The following MAP2 variants were observed in gnomAD, a reference collection of about 807,000 sequenced individuals.
The protein encoded by MAP2 is microtubule associated protein 2.
Under a neutral mutation model 137.6 loss-of-function variants are expected in MAP2, and 14 were observed. The observed-to-expected ratio is 0.10, with a 90% confidence interval of 0.07 to 0.16. The LOEUF (loss-of-function observed/expected upper bound fraction) is 0.16. Among genes scored for constraint, MAP2 ranks in the 10% least tolerant of loss-of-function variants. The pLI, the probability that MAP2 is intolerant of heterozygous loss-of-function variation, is 1.00. For synonymous variants in MAP2, 786 were observed against 782.3 expected (o/e 1.00, Z -0.08); for missense variants, 2,088 against 2,191.5 (o/e 0.95, Z 0.94).
At chr2:209,574,811 G>T (rs2075037931) in intron 2 of MAP2, among the ~76,000 whole-genome samples, 1 of 152,208 alleles carries the variant, frequency 6.6e-6, no homozygotes, top group Non-Finnish European at 1.5e-5. Flanking sequence ...ACAGTGTTCA[G>T]TGATTTTGGA....
chr2:209,686,188 A>G (rs1338861527), intron 7 of MAP2, among the ~76,000 whole-genome samples: 1 of 152,202 alleles, frequency 6.6e-6, no homozygotes, highest in African/African-American at 2.4e-5. Context: ...TTGAACTAAG[A>G]ATATCAAACG....
intron 1 of MAP2, among the ~76,000 whole-genome samples, chr2:209,488,359 G>A (rs911293385): frequency 6.6e-6 from 1 of 152,106 alleles, no homozygotes; most frequent in African/African-American, 2.4e-5. Context: ...CTGGATGGTC[G>A]TTTGGGCAGA....
At chr2:209,463,241 A>G (rs1213935928) in intron 1 of MAP2, among the ~76,000 whole-genome samples, 1 of 152,222 alleles carries the variant, frequency 6.6e-6, no homozygotes, top group Non-Finnish European at 1.5e-5. Context: ...CCTCATATTT[A>G]TTCTTAATAA....
chr2:209,581,225 T>C (rs1201208028), intron 3 of MAP2, among the ~76,000 whole-genome samples: 1 of 152,136 alleles, frequency 6.6e-6, no homozygotes, highest in African/African-American at 2.4e-5. Context: ...CAAGCACTTC[T>C]TAAGAGCCTT....
intron 1 of MAP2, among the ~76,000 whole-genome samples, chr2:209,506,738 T>C (rs17237893): frequency 0.059 from 8,922 of 152,284 alleles, 300 homozygotes; most frequent in South Asian, 0.092. Flanking sequence ...ATTGATCGTT[T>C]ACCACTGGAA....
At chr2:209,691,678 A>G (rs2058952172) in intron 7 of MAP2, among the ~76,000 whole-genome samples, 1 of 152,238 alleles carries the variant, frequency 6.6e-6, no homozygotes, top group Non-Finnish European at 1.5e-5. Flanking sequence ...AATAAAAGTA[A>G]AAATGTGTTA....
At chr2:209,709,763 ACT>A in intron 12 of MAP2, 149 bp from the exon 13 acceptor site, 1 of 569,400 alleles carries the variant, frequency 1.8e-6, no homozygotes, top group Non-Finnish European at 3.0e-6. Flanking sequence ...CAGAAACGAG[ACT>A]CTCAGCTTCT....
intron 1 of MAP2, among the ~76,000 whole-genome samples, chr2:209,439,095 T>C (rs546043654): frequency 1.3e-5 from 2 of 151,580 alleles, no homozygotes; most frequent in South Asian, 4.1e-4. Flanking sequence ...TCCTCATTGA[T>C]GGTATATAAA....
chr2:209,664,224 G>A (rs992179927), intron 5 of MAP2, among the ~76,000 whole-genome samples: 2 of 152,242 alleles, frequency 1.3e-5, no homozygotes, highest in South Asian at 2.1e-4. Context: ...TCTATAATAT[G>A]TATGTGCTAA....
chr2:209,716,691 T>G (rs113792473), intron 13 of MAP2, among the ~76,000 whole-genome samples: 47 of 152,296 alleles, frequency 3.1e-4, no homozygotes, highest in African/African-American at 1.1e-3. Context: ...GAGTTAGTGG[T>G]CCAGCTCTTC....
chr2:209,576,961 C>T (rs556323292), intron 2 of MAP2, among the ~76,000 whole-genome samples: 1 of 152,110 alleles, frequency 6.6e-6, no homozygotes, highest in African/African-American at 2.4e-5. Flanking sequence ...TATTAAATGA[C>T]CTCCAGAGAG....
At chr2:209,594,533 G>T (rs575102228) in intron 3 of MAP2, among the ~76,000 whole-genome samples, 8 of 152,066 alleles carry the variant, frequency 5.3e-5, no homozygotes, top group Non-Finnish European at 1.2e-4. Flanking sequence ...TTCTCTTTCT[G>T]TCTCAGCCCG....
chr2:209,642,821 A>G (rs376306324), intron 4 of MAP2, among the ~76,000 whole-genome samples: 1 of 152,202 alleles, frequency 6.6e-6, no homozygotes, highest in Non-Finnish European at 1.5e-5. Context: ...CAGGCAGCTT[A>G]TTAACAAATG....
At chr2:209,494,613 A>G (rs1007477864) in intron 1 of MAP2, among the ~76,000 whole-genome samples, 2 of 152,210 alleles carry the variant, frequency 1.3e-5, no homozygotes, top group African/African-American at 4.8e-5. Flanking sequence ...ACCCCTTGTT[A>G]GGATATAATC....
intron 2 of MAP2, among the ~76,000 whole-genome samples, chr2:209,548,067 T>G (rs909169490): frequency 6.6e-6 from 1 of 152,202 alleles, no homozygotes; most frequent in Non-Finnish European, 1.5e-5. Context: ...AATTGAATGC[T>G]GTTTATTAGC....
At chr2:209,671,168 TG>T (rs1185101880) in intron 5 of MAP2, among the ~76,000 whole-genome samples, 1 of 151,938 alleles carries the variant, frequency 6.6e-6, no homozygotes, top group African/African-American at 2.4e-5. Context: ...GATCTGTAGC[TG>T]CAATGTTGGC....
intron 1 of MAP2, among the ~76,000 whole-genome samples, chr2:209,447,785 G>T (rs1432942486): frequency 6.6e-6 from 1 of 151,988 alleles, no homozygotes; most frequent in Non-Finnish European, 1.5e-5. Context: ...TTATGTCCTA[G>T]TTACTCAGAG....
chr2:209,695,059 A>G lies in MAP2; in HGVS notation c.2889A>G (p.Val963=). 1.2e-6 allele frequency: 2 copies of G among 1,614,172 alleles called. No individual in the cohort carries two copies. The highest frequency in any genetic ancestry group is 1.7e-6 in the Non-Finnish European group (2 of 1,180,028). ...AAGCTAATGATAGGTTGGATACTGT[A>G]CTAGAAAAGAGTGAAGAACATGCTG... ...EKKANDRLDT[V]LEKSEEHADS... is the part of the protein sequence containing the mutation. The change falls in exon 8 of 16, where the codon GTA becomes GTG. Residue 963 remains valine, a synonymous_variant. Transcript: ENST00000682079.
chr2:209,675,733 T>C (rs930803121), intron 5 of MAP2, among the ~76,000 whole-genome samples: 3 of 151,842 alleles, frequency 2.0e-5, no homozygotes, highest in Non-Finnish European at 2.9e-5. Context: ...AGTTGCTCAG[T>C]TATAATTTGC....
Sources: gnomAD v4.1 joint callset for allele counts (sites outside exome capture counted in the v4.1 genomes callset) on GRCh38, gnomAD v4.1.1 for gene constraint, MANE v1.5 for transcripts, NCBI Gene and HGNC (gene_info 2026-07-23, HGNC 2026-07-21) for gene names.